KAZN: variants seen among roughly 807,000 people sequenced by gnomAD.
The protein encoded by KAZN is kazrin.
A neutral mutation model predicts 87.4 loss-of-function variants in KAZN; 40 were observed. The ratio of observed to expected loss-of-function variants is 0.46; its 90% confidence interval spans 0.36 to 0.60. The LOEUF (loss-of-function observed/expected upper bound fraction) is 0.60, where lower values mean the gene tolerates loss of function less well. Among genes scored for constraint, KAZN ranks in the 20% least tolerant of loss-of-function variants. The pLI is 0.00. For synonymous variants in KAZN, 466 were observed against 458.3 expected (o/e 1.02, Z -0.22); for missense variants, 898 against 1,073.9 (o/e 0.84, Z 2.29).
chr1:14,397,477 T>C (rs1459303507), intron 2 of KAZN, among the ~76,000 whole-genome samples: 3 of 152,128 alleles, frequency 2.0e-5, no homozygotes, highest in African/African-American at 4.8e-5. Context: ...CTTCCAAACA[T>C]GACATTGAGT....
intron 1 of KAZN, among the ~76,000 whole-genome samples, chr1:14,772,815 C>T (rs1238758828): frequency 6.6e-6 from 1 of 152,160 alleles, no homozygotes; most frequent in Non-Finnish European, 1.5e-5. Context: ...CTCTGAAGGT[C>T]ACATTCCTCA....
chr1:14,928,785 A>G (rs1187705885), intron 1 of KAZN, among the ~76,000 whole-genome samples: 4 of 152,144 alleles, frequency 2.6e-5, no homozygotes, highest in Admixed American at 2.6e-4. Flanking sequence ...GAGGCAATGG[A>G]GGGCTTGGTT....
Position 14,382,324 on chromosome 1 carries a change from T to C in KAZN, c.249+201732T>C, listed in dbSNP as rs117799741. ...CACAGAAATAGAAGAAACAATTCTT[T>C]TTTTTATTATACTTTTAAGTTTTAG... On this transcript the variant is annotated intron_variant, in intron 2 of 16. Coordinates refer to the KAZN transcript ENST00000636203. 1.8e-3 allele frequency among the ~76,000 whole-genome samples: 277 copies of C among 152,312 alleles called. No individual in the cohort carries two copies. The South Asian group carries it at 0.02, about 11-fold the overall frequency.
chr1:14,569,972 G>A (rs992932931), intron 2 of KAZN, among the ~76,000 whole-genome samples: 5 of 152,064 alleles, frequency 3.3e-5, no homozygotes, highest in African/African-American at 1.2e-4. Flanking sequence ...AGTTAACTGG[G>A]TGCGGTGGTG....
At chr1:14,055,575 G>T (rs969520041) in intron 1 of KAZN, among the ~76,000 whole-genome samples, 2 of 152,190 alleles carry the variant, frequency 1.3e-5, no homozygotes, top group African/African-American at 2.4e-5. Context: ...GGGAGTGGAG[G>T]TTTCTCAGGC....
At chr1:14,922,380 A>T (rs1360896333) in intron 1 of KAZN, among the ~76,000 whole-genome samples, 1 of 152,064 alleles carries the variant, frequency 6.6e-6, no homozygotes, top group Admixed American at 6.6e-5. Flanking sequence ...TCTGTCTGTT[A>T]TCTCAGTAAA....
intron 1 of KAZN, among the ~76,000 whole-genome samples, chr1:14,086,895 T>C (rs570069276): frequency 1.3e-4 from 20 of 152,340 alleles, no homozygotes; most frequent in Admixed American, 8.5e-4. Flanking sequence ...CTGTCTTCTG[T>C]GTTGTTATGC....
chr1:14,316,693 A>T (rs1655677670), intron 2 of KAZN, among the ~76,000 whole-genome samples: 1 of 151,970 alleles, frequency 6.6e-6, no homozygotes, highest in Admixed American at 6.6e-5. Context: ...TAGCATTCAA[A>T]GTCATAAATC....
chr1:14,068,825 G>A (rs1643122332), intron 1 of KAZN, among the ~76,000 whole-genome samples: 1 of 146,998 alleles, frequency 6.8e-6, no homozygotes, highest in Non-Finnish European at 1.5e-5. Context: ...TTGAGACGGA[G>A]TCTTGTCTGT....
intron 10 of KAZN, among the ~76,000 whole-genome samples, chr1:15,097,481 C>A (rs773085556): frequency 1.3e-5 from 2 of 152,086 alleles, no homozygotes; most frequent in Non-Finnish European, 1.5e-5. Context: ...ATTTTATTTA[C>A]CCTCACAACA....
At chr1:14,520,832 C>A (rs1671547496) in intron 2 of KAZN, among the ~76,000 whole-genome samples, 1 of 152,188 alleles carries the variant, frequency 6.6e-6, no homozygotes, top group Non-Finnish European at 1.5e-5. Flanking sequence ...CCGGACTCAA[C>A]TAAAAAATGA....
intron 2 of KAZN, among the ~76,000 whole-genome samples, chr1:14,563,806 G>A (rs1034770928): frequency 6.1e-5 from 9 of 148,286 alleles, no homozygotes; most frequent in African/African-American, 2.2e-4. Flanking sequence ...TTTTGCTTGT[G>A]TATTTCCATA....
At chr1:13,917,746 G>A (rs1202964327) in intron 1 of KAZN, among the ~76,000 whole-genome samples, 1 of 140,464 alleles carries the variant, frequency 7.1e-6, no homozygotes, top group African/African-American at 2.7e-5. Context: ...ACAGTGAGCT[G>A]TGTTTACACG....
At chr1:13,918,273 C>T (rs553485744) in intron 1 of KAZN, among the ~76,000 whole-genome samples, 16 of 152,188 alleles carry the variant, frequency 1.1e-4, no homozygotes, top group Middle Eastern at 3.4e-3. Flanking sequence ...TCAGCATTAA[C>T]GGGAGTTTGG....
chr1:14,921,449 T>A (rs549009614), intron 1 of KAZN, among the ~76,000 whole-genome samples: 22 of 152,346 alleles, frequency 1.4e-4, no homozygotes, highest in African/African-American at 5.3e-4. Context: ...TTTAAAGAGT[T>A]GCTAATGTTT....
chr1:14,950,355 G>C (rs1662335903), intron 1 of KAZN, among the ~76,000 whole-genome samples: 2 of 152,050 alleles, frequency 1.3e-5, no homozygotes, highest in South Asian at 4.1e-4. Flanking sequence ...GGCAAATGGG[G>C]ACAGAGGTGG....
chr1:14,069,501 A>C (rs1243875586), intron 1 of KAZN, among the ~76,000 whole-genome samples: 1 of 152,152 alleles, frequency 6.6e-6, no homozygotes, highest in Non-Finnish European at 1.5e-5. Flanking sequence ...TACAAATATC[A>C]AGTCATCTTT....
chr1:14,977,546 G>A (rs577975171), intron 2 of KAZN, among the ~76,000 whole-genome samples: 100 of 152,366 alleles, frequency 6.6e-4, no homozygotes, highest in African/African-American at 2.0e-3. Context: ...AGTGAGTGTC[G>A]CGCTCTGCTG....
chr1:15,038,697 T>C (rs961230949), intron 3 of KAZN, among the ~76,000 whole-genome samples: 1 of 152,172 alleles, frequency 6.6e-6, no homozygotes, highest in Non-Finnish European at 1.5e-5. Flanking sequence ...GTAACAGACA[T>C]TTATTGTGCA....
Sources: gnomAD v4.1 joint callset for allele counts (sites outside exome capture counted in the v4.1 genomes callset) on GRCh38, gnomAD v4.1.1 for gene constraint, MANE v1.5 for transcripts, NCBI Gene and HGNC (gene_info 2026-07-23, HGNC 2026-07-21) for gene names.